The following MCF2L2 variants were observed in gnomAD, a reference collection of about 807,000 sequenced individuals.
The protein encoded by MCF2L2 is MCF.2 cell line derived transforming sequence-like 2, also known as probable guanine nucleotide exchange factor MCF2L2.
A neutral mutation model predicts 150.2 loss-of-function variants in MCF2L2; 102 were observed. That is an observed-to-expected ratio of 0.68 (90% CI 0.58 to 0.80). The LOEUF (loss-of-function observed/expected upper bound fraction) is 0.80, where lower values mean the gene tolerates loss of function less well. Ranked by LOEUF, MCF2L2 falls within the 30% of genes least tolerant of loss-of-function variation. The pLI, the probability that MCF2L2 is intolerant of heterozygous loss-of-function variation, is 0.00. For missense variants in MCF2L2, 1,256 were observed against 1,372.8 expected (o/e 0.91, Z 1.34); for synonymous variants, 465 against 491.3 (o/e 0.95, Z 0.71).
chr3:183,425,393 C>T (rs1197612408), intron 1 of MCF2L2, among the ~76,000 whole-genome samples: 1 of 152,056 alleles, frequency 6.6e-6, no homozygotes, highest in Non-Finnish European at 1.5e-5. Context: ...GGATAGGACC[C>T]GGAGAATGTT....
chr3:183,211,942 G>T (rs1365636853), intron 22 of MCF2L2, among the ~76,000 whole-genome samples: 1 of 152,184 alleles, frequency 6.6e-6, no homozygotes, highest in East Asian at 1.9e-4. Flanking sequence ...CGGAAAGAGG[G>T]TCTTTGCAGA....
intron 15 of MCF2L2, among the ~76,000 whole-genome samples, chr3:183,232,850 G>A (rs1723621424): frequency 6.6e-6 from 1 of 152,156 alleles, no homozygotes; most frequent in Non-Finnish European, 1.5e-5. Flanking sequence ...ATGAGGGTGT[G>A]GAAAAACCCT....
intron 26 of MCF2L2, among the ~76,000 whole-genome samples, chr3:183,194,420 C>G (rs957231237): frequency 6.6e-6 from 1 of 152,142 alleles, no homozygotes; most frequent in Non-Finnish European, 1.5e-5. Context: ...CATCTTCCTC[C>G]CAGACAAGGG....
intron 3 of MCF2L2, among the ~76,000 whole-genome samples, chr3:183,361,502 G>A (rs1001833849): frequency 2.0e-5 from 3 of 152,076 alleles, no homozygotes; most frequent in Non-Finnish European, 2.9e-5. Context: ...AAAGTGTGTG[G>A]CACCTCCCCT....
chr3:183,259,809 A>G (rs1725423296), intron 15 of MCF2L2, among the ~76,000 whole-genome samples: 1 of 152,152 alleles, frequency 6.6e-6, no homozygotes, highest in African/African-American at 2.4e-5. Context: ...TGATGAGGTC[A>G]CTTCTGCCCA....
intron 1 of MCF2L2, among the ~76,000 whole-genome samples, chr3:183,419,515 A>G (rs1192467545): frequency 6.6e-6 from 1 of 152,354 alleles, no homozygotes; most frequent in African/African-American, 2.4e-5. Flanking sequence ...TTAAACATAA[A>G]TTCCAATTTC....
intron 11 of MCF2L2, 96 bp from the exon 12 acceptor site, chr3:183,297,263 G>C (rs1308932907): frequency 1.9e-6 from 2 of 1,054,208 alleles, no homozygotes; most frequent in Non-Finnish European, 2.8e-6. Flanking sequence ...GTGTCTACAA[G>C]GATTCCCAGA....
intron 27 of MCF2L2, among the ~76,000 whole-genome samples, chr3:183,186,579 T>C (rs956761034): frequency 2.6e-5 from 4 of 151,998 alleles, no homozygotes; most frequent in Non-Finnish European, 4.4e-5. Context: ...ACACAAAAAT[T>C]AGCGAGGTGT....
intron 5 of MCF2L2, among the ~76,000 whole-genome samples, chr3:183,338,224 A>T (rs1370452186): frequency 6.6e-6 from 1 of 151,912 alleles, no homozygotes; most frequent in Admixed American, 6.6e-5. Context: ...ATGCGGGTGT[A>T]TCACCTGAAG....
chr3:183,427,056 A>G (rs1321262481), intron 1 of MCF2L2, among the ~76,000 whole-genome samples: 1 of 152,104 alleles, frequency 6.6e-6, no homozygotes, highest in Admixed American at 6.6e-5. Flanking sequence ...TCATGGGAGG[A>G]CCTCCAAGCA....
chr3:183,234,061 C>T (rs1285852395), intron 15 of MCF2L2, among the ~76,000 whole-genome samples: 2 of 152,126 alleles, frequency 1.3e-5, no homozygotes, highest in African/African-American at 2.4e-5. Flanking sequence ...GTTCCTATGC[C>T]TTTTATAAAT....
chr3:183,389,656 C>G (rs768618809), intron 2 of MCF2L2, 40 bp downstream of exon 2: 2 of 1,537,334 alleles, frequency 1.3e-6, no homozygotes, highest in Non-Finnish European at 1.8e-6. Context: ...TCAAGACCCC[C>G]CCATCAAAAT....
At chr3:183,378,365 G>T (rs1346419989) in intron 3 of MCF2L2, 1 of 152,282 alleles carries the variant, frequency 6.6e-6, no homozygotes, top group Admixed American at 6.5e-5. Flanking sequence ...CTCTGCCCCG[G>T]TCTGTGAAAT....
At chr3:183,278,284 TGTG>T (rs757644303) in intron 14 of MCF2L2, among the ~76,000 whole-genome samples, 5 of 113,248 alleles carry the variant, frequency 4.4e-5, no homozygotes, top group South Asian at 2.6e-4. Flanking sequence ...ATGAAAAAAT[TGTG>T]TGTGTGTGTG....
rs1721540388 is a variant in MCF2L2, at chr3:183,181,994, A to G, written c.3017-1835T>C. 6.6e-6 allele frequency among the ~76,000 whole-genome samples: 1 copy of G among 152,130 alleles called. No individual in the cohort carries two copies. The highest frequency in any genetic ancestry group is 6.5e-5 in the Admixed American group (1 of 15,282). On this transcript the variant is annotated intron_variant, in intron 27 of 29. Transcript: ENST00000328913. The surrounding 1 kb of genome is among the most constrained non-coding windows in gnomAD (Gnocchi z 4.3). ...GGTAAGTGGCACCTGGGGTAAAATG[A>G]CTGCCTGGAGCTGGCAGCTGCTTTC...
At chr3:183,341,429 T>G in intron 4 of MCF2L2, 111 bp downstream of exon 4, 1 of 831,760 alleles carries the variant, frequency 1.2e-6, no homozygotes, top group Non-Finnish European at 2.0e-6. Context: ...ACAAAGACCT[T>G]CCCAAAATTT....
intron 7 of MCF2L2, among the ~76,000 whole-genome samples, chr3:183,316,683 A>G (rs1311152244): frequency 2.0e-5 from 3 of 147,004 alleles, no homozygotes; most frequent in African/African-American, 7.7e-5. Context: ...AATCTTTGGA[A>G]TATATTTTTT....
chr3:183,353,686 G>T (rs1010377942), intron 3 of MCF2L2, among the ~76,000 whole-genome samples: 3 of 152,056 alleles, frequency 2.0e-5, no homozygotes, highest in African/African-American at 7.2e-5. Context: ...GGGGAAATCT[G>T]CCCCCATGAT....
rs568506060 is a variant in MCF2L2, at chr3:183,192,962, G to A, written c.3016+37C>T. 7.5e-5 allele frequency: 115 copies of A among 1,525,222 alleles called. No individual in the cohort carries two copies. In the South Asian group the frequency reaches 1.1e-3, roughly 15 times the overall value. The allele number at this position is 1,525,222 out of a possible 1,614,324, so 94.5% of individuals were successfully genotyped here. A position where few individuals can be genotyped will look rare whatever the true frequency, so the allele number is the denominator to read the frequency against. ...TCTAAGCAGCTGGCATCACCCCACT[G>A]CTTCTGTGCTCCACTCTCCCATGGG... On this transcript the variant is annotated intron_variant, in intron 27 of 29. Coordinates refer to ENST00000328913, the MANE Select transcript of MCF2L2 (RefSeq NM_015078.4).
Sources: gnomAD v4.1 joint callset for allele counts (sites outside exome capture counted in the v4.1 genomes callset) on GRCh38, gnomAD v4.1.1 for gene constraint, Gnocchi (gnomAD v3.1) non-coding constraint, MANE v1.5 for transcripts, NCBI Gene and HGNC (gene_info 2026-07-23, HGNC 2026-07-21) for gene names.